The following PAICS variants were observed in gnomAD, a reference collection of about 807,000 sequenced individuals.
PAICS encodes phosphoribosylaminoimidazole carboxylase and phosphoribosylaminoimidazolesuccinocarboxamide synthase, also known as bifunctional phosphoribosylaminoimidazole carboxylase/phosphoribosylaminoimidazole succinocarboxamide synthetase.
A neutral mutation model predicts 53.7 loss-of-function variants in PAICS; 33 were observed. The ratio of observed to expected loss-of-function variants is 0.61; its 90% CI spans 0.47 to 0.82. PAICS has a LOEUF of 0.82. PAICS is among the 40% of genes least tolerant of loss of function. The pLI, the probability that PAICS is intolerant of heterozygous loss-of-function variation, is 0.00. For synonymous variants in PAICS, 141 were observed against 167.2 expected (o/e 0.84, Z 1.21); for missense variants, 394 against 494.1 (o/e 0.80, Z 1.92).
rs1210295728 is a variant in PAICS at position 56,464,378 on chromosome 4, T to C, written c.*4840T>C. The C allele has an allele frequency of 1.4e-5, 2 of 147,770 alleles. No individual in the cohort carries two copies. The highest frequency in any genetic ancestry group is 4.2e-4 in the East Asian group (2 of 4,816). The allele number at this position is 147,770 out of a possible 1,614,324, so 9.2% of individuals were successfully genotyped here. On this transcript the variant is annotated 3_prime_UTR_variant, in exon 9 of 9. Coordinates refer to ENST00000512576, the MANE Select transcript of PAICS (RefSeq NM_001079524.2). The stretch of plus-strand genomic sequence containing the variant: ...ATATGGAATTAACAATAGGGTATTG[T>C]GAATACACAAAAGTAGGAAGGACTC...
At chr4:56,423,363 C>T in the PAICS span, 1 of 152,148 alleles carries the variant, frequency 6.6e-6, no homozygotes, top group South Asian at 2.1e-4. Context: ...TGGCACATGC[C>T]TATAATCCCA....
At position 56,451,857 on chromosome 4, in the gene PAICS, G is replaced by C. The variant is rs1316488508; in HGVS notation, c.772-15G>C. On this transcript the variant is annotated splice_polypyrimidine_tract_variant and intron_variant, in intron 6 of 8. Transcript: ENST00000512576. ...GTTTTTATGTTCTTTTCATATCCACGTATTTTTTCTTCAGTTGCTTTTGAA... is the reference window on the plus strand; with the variant it reads ...GTTTTTATGTTCTTTTCATATCCACCTATTTTTTCTTCAGTTGCTTTTGAA... The C allele has an allele frequency of 5.3e-6, 8 of 1,495,496 alleles. No individual in the cohort carries two copies. The highest frequency in any genetic ancestry group is 7.2e-6 in the Non-Finnish European group (8 of 1,115,940). The allele number at this position is 1,495,496 out of a possible 1,614,324, so 92.6% of individuals were successfully genotyped here. A position where few individuals can be genotyped will look rare whatever the true frequency, so the allele number is the denominator to read the frequency against.
At chr4:56,418,588 G>C in the PAICS span, among the ~76,000 whole-genome samples, 2 of 151,994 alleles carry the variant, frequency 1.3e-5, no homozygotes, top group Non-Finnish European at 2.9e-5. Flanking sequence ...CAAAGTACTG[G>C]GATTACAGGC....
At chr4:56,458,232 C>T (rs1449049369) in intron 8 of PAICS, among the ~76,000 whole-genome samples, 6 of 151,822 alleles carry the variant, frequency 4.0e-5, no homozygotes, top group African/African-American at 1.5e-4. Context: ...TGTGTAAAAT[C>T]CTGAAGACCG....
At chr4:56,421,692 T>G in the PAICS span, 1 of 152,252 alleles carries the variant, frequency 6.6e-6, no homozygotes, top group Non-Finnish European at 1.5e-5. Flanking sequence ...AATATTTCGC[T>G]GGTGGACAAG....
At chr4:56,437,980 C>A (rs776768822) in intron 1 of PAICS, among the ~76,000 whole-genome samples, 8 of 152,028 alleles carry the variant, frequency 5.3e-5, no homozygotes, top group Non-Finnish European at 7.4e-5. Context: ...CTTTGCTCTT[C>A]CACTTCTTTC....
upstream of PAICS, chr4:56,431,384 G>GC (rs1332334969): frequency 1.1e-6 from 1 of 944,834 alleles, no homozygotes. Flanking sequence ...TCTCACAAGT[G>GC]CCTTTCCAGT....
chr4:56,454,949 G>A (rs966960526), intron 8 of PAICS, among the ~76,000 whole-genome samples: 4 of 152,104 alleles, frequency 2.6e-5, no homozygotes, highest in African/African-American at 9.7e-5. Flanking sequence ...CTGGAGGTCA[G>A]GAGTTCAAGA....
rs915321289 is a variant in PAICS at position 56,461,599 on chromosome 4, C to T, written c.*2061C>T. 2 of 151,998 alleles carry T rather than the reference C, an allele frequency of 1.3e-5. No individual in the cohort carries two copies. Among genetic ancestry groups the T allele is most frequent in the African/African-American group, 4.8e-5 (2 of 41,382 alleles). 9.4% of individuals were successfully genotyped at this position (151,998 alleles called of 1,614,324 possible). A position where few individuals can be genotyped will look rare whatever the true frequency, so the allele number is the denominator to read the frequency against. ...AGTGCAGTGGCATGATTATGGCTCC[C>T]TGCAGCCTTGAACTCCTGGACTCAA... On this transcript the variant is annotated 3_prime_UTR_variant, in exon 9 of 9. Coordinates refer to ENST00000512576, the MANE Select transcript of PAICS (RefSeq NM_001079524.2).
In PAICS at chr4:56,460,398, C is replaced by A. The variant is rs1560667552; in HGVS notation, c.*860C>A. ...CATGTTGGTGTTAATTTCTGATTAA[C>A]CCTTGAATTTACCGTCTTCTCATCC... On this transcript the variant is annotated 3_prime_UTR_variant, in exon 9 of 9. Transcript: ENST00000512576. 1 of 152,158 alleles carries A rather than the reference C, an allele frequency of 6.6e-6. No homozygotes were observed. The highest frequency in any genetic ancestry group is 2.4e-5 in the African/African-American group (1 of 41,432). The allele number at this position is 152,158 out of a possible 1,614,324, so 9.4% of individuals were successfully genotyped here. A position where few individuals can be genotyped will look rare whatever the true frequency, so the allele number is the denominator to read the frequency against.
intron 8 of PAICS, among the ~76,000 whole-genome samples, chr4:56,458,388 G>T (rs570968762): frequency 4.6e-5 from 7 of 151,968 alleles, no homozygotes; most frequent in South Asian, 2.1e-4. Context: ...TCTACCTAGC[G>T]TGCTAACAAT....
upstream of PAICS, among the ~76,000 whole-genome samples, chr4:56,431,920 C>G (rs1259671088): frequency 6.6e-6 from 1 of 152,154 alleles, no homozygotes; most frequent in African/African-American, 2.4e-5. Flanking sequence ...CATGCATGCA[C>G]AGTTTACAGC....
chr4:56,449,599 G>A (rs1299070486), intron 5 of PAICS, among the ~76,000 whole-genome samples: 1 of 151,952 alleles, frequency 6.6e-6, no homozygotes, highest in African/African-American at 2.4e-5. Flanking sequence ...CAAAGACATG[G>A]AACCAACCCA....
upstream of PAICS, chr4:56,435,327 G>T: frequency 6.2e-7 from 1 of 1,602,412 alleles, no homozygotes. Context: ...GCACGCCCCC[G>T]CCACCCCCAC....
the PAICS span, among the ~76,000 whole-genome samples, chr4:56,425,132 G>A: frequency 6.6e-6 from 1 of 152,082 alleles, no homozygotes; most frequent in African/African-American, 2.4e-5. Context: ...GGGGCATTAA[G>A]GAATCTACTG....
chr4:56,426,713 A>G, the PAICS span, among the ~76,000 whole-genome samples: 1 of 152,156 alleles, frequency 6.6e-6, no homozygotes, highest in Non-Finnish European at 1.5e-5. Flanking sequence ...TCTGGCTCCT[A>G]TGAATACTGT....
intron 1 of PAICS, among the ~76,000 whole-genome samples, chr4:56,437,983 C>T (rs1393933833): frequency 1.3e-5 from 2 of 152,004 alleles, no homozygotes; most frequent in Admixed American, 1.3e-4. Flanking sequence ...TGCTCTTCCA[C>T]TTCTTTCCAT....
chr4:56,434,814 C>T (rs2110073891), upstream of PAICS, among the ~76,000 whole-genome samples: 2 of 152,350 alleles, frequency 1.3e-5, no homozygotes, highest in Middle Eastern at 6.8e-3. Flanking sequence ...TGAAGTCTAG[C>T]ATCCTCAAGT....
intron 1 of PAICS, among the ~76,000 whole-genome samples, chr4:56,438,403 A>ATATATATATATATAT (rs71194108): frequency 7.9e-5 from 9 of 114,422 alleles, no homozygotes; most frequent in South Asian, 2.9e-4. Flanking sequence ...ATATATATAT[A>ATATATATATATATAT]AAAGGTTTTT....
Sources: allele counts gnomAD v4.1 joint callset (sites outside exome capture counted in the v4.1 genomes callset), GRCh38; gene constraint gnomAD v4.1.1; transcripts MANE v1.5; gene names NCBI Gene and HGNC (gene_info 2026-07-23, HGNC 2026-07-21).